Variants in DIPK1C observed in about 807,000 individuals in gnomAD.
DIPK1C encodes divergent protein kinase domain 1C, also known as familial non-conventional Alzheimer's dementia.
In DIPK1C, 33 loss-of-function variants were observed where a neutral mutation model predicts 28.0. The observed-to-expected ratio is 1.18, with a 90% CI of 0.89 to 1.58. The LOEUF (loss-of-function observed/expected upper bound fraction) is 1.58, where lower values mean the gene tolerates loss of function less well. Ranked by LOEUF, DIPK1C falls within the 40% of genes most tolerant of loss-of-function variation. The probability of loss-of-function intolerance (pLI) is 0.00; values close to 1 mark genes in which losing one functional copy is unlikely to be tolerated. For synonymous variants in DIPK1C, 255 were observed against 248.8 expected, an observed-to-expected ratio of 1.02 and a Z score of -0.23; for missense variants, 569 against 568.5, an observed-to-expected ratio of 1.00 and a Z score of -0.01.
upstream of DIPK1C, among the ~76,000 whole-genome samples, chr18:74,459,320 G>C (rs190548641): frequency 4.6e-5 from 7 of 152,262 alleles, no homozygotes; most frequent in Admixed American, 3.9e-4. Context: ...TTACTTTTGT[G>C]GGTTTTAAAA....
chr18:74,445,773 C>G (rs1401607148), intron 2 of DIPK1C, among the ~76,000 whole-genome samples: 1 of 152,214 alleles, frequency 6.6e-6, no homozygotes, highest in Admixed American at 6.5e-5. Flanking sequence ...CTCCGCCCTC[C>G]CCAAACCCAT....
At chr18:74,436,758 A>G (rs1986005692) in intron 3 of DIPK1C, 39 bp from the exon 4 acceptor site, 2 of 1,532,442 alleles carry the variant, frequency 1.3e-6, no homozygotes, top group African/African-American at 1.4e-5. Flanking sequence ...TTAGGGCAGC[A>G]AATCCTCCTA....
upstream of DIPK1C, chr18:74,458,066 GC>G (rs1343524129): frequency 6.6e-6 from 1 of 152,302 alleles, no homozygotes; most frequent in East Asian, 1.9e-4. Context: ...GGGAGAGCAG[GC>G]ATCCGTGTTC....
intron 1 of DIPK1C, among the ~76,000 whole-genome samples, chr18:74,452,572 A>T (rs113319714): frequency 2.7e-5 from 4 of 150,474 alleles, no homozygotes; most frequent in African/African-American, 9.8e-5. Context: ...ACATGGCAAG[A>T]CCCCTGTCTC....
chr18:74,443,545 A>G (rs1461577083), intron 2 of DIPK1C, among the ~76,000 whole-genome samples: 2 of 152,210 alleles, frequency 1.3e-5, no homozygotes, highest in East Asian at 3.8e-4. Context: ...AAGGCAATGA[A>G]GTTTCTTAGG....
intron 1 of DIPK1C, among the ~76,000 whole-genome samples, chr18:74,455,252 G>A (rs1320313602): frequency 6.6e-6 from 1 of 152,066 alleles, no homozygotes; most frequent in Non-Finnish European, 1.5e-5. Flanking sequence ...CCATTATTAA[G>A]CCTTTCCTCA....
chr18:74,450,911 G>A (rs1254844031), intron 1 of DIPK1C, among the ~76,000 whole-genome samples: 1 of 152,232 alleles, frequency 6.6e-6, no homozygotes, highest in African/African-American at 2.4e-5. Context: ...GGCTTGCTGT[G>A]TGGCTTGTTT....
At chr18:74,455,062 C>T (rs1986476916) in intron 1 of DIPK1C, among the ~76,000 whole-genome samples, 1 of 152,152 alleles carries the variant, frequency 6.6e-6, no homozygotes, top group African/African-American at 2.4e-5. Flanking sequence ...GCCAAACCTT[C>T]GATCTTCAGG....
intron 1 of DIPK1C, among the ~76,000 whole-genome samples, chr18:74,455,795 T>G (rs1479698350): frequency 2.0e-5 from 3 of 150,306 alleles, no homozygotes; most frequent in Non-Finnish European, 4.4e-5. Context: ...AAAACTTCAG[T>G]GTAACACTAG....
chr18:74,445,957 C>T (rs1001691857), intron 2 of DIPK1C, among the ~76,000 whole-genome samples: 2 of 152,222 alleles, frequency 1.3e-5, no homozygotes, highest in African/African-American at 4.8e-5. Flanking sequence ...CACTGAGGCT[C>T]CTGCTGCCGT....
chr18:74,440,160 G>A (rs995592767), intron 3 of DIPK1C, among the ~76,000 whole-genome samples: 22 of 152,068 alleles, frequency 1.4e-4, no homozygotes, highest in Non-Finnish European at 2.4e-4. Flanking sequence ...TAGCCAGGAT[G>A]GTCTCGATCT....
Position 74,457,159 on chromosome 18 carries a change from C to T in DIPK1C, c.101G>A (p.Gly34Asp). The T allele has an allele frequency of 7.2e-7, 1 of 1,389,486 alleles. No individual in the cohort carries two copies. The highest frequency in any genetic ancestry group is 1.5e-5 in the South Asian group (1 of 64,776). The allele number at this position is 1,389,486 out of a possible 1,614,324, so 86.1% of individuals were successfully genotyped here. Reference sequence around the variant, plus strand: ...CAGCAGCGCGGCCGCCAGCACCCAGCCCGCGGTCCACGCGGCGAAGGCGAG... The same window carrying T: ...CAGCAGCGCGGCCGCCAGCACCCAGTCCGCGGTCCACGCGGCGAAGGCGAG... The part of the protein sequence containing the change: ...TLLAFAAWTA[G>D]WVLAAALLLR... Residue 34 changes from glycine to aspartate, a missense_variant, in exon 1 of 4, where the codon GGC (glycine) becomes GAC (aspartate). Transcript: ENST00000343998.
chr18:74,455,888 C>T (rs978712822), intron 1 of DIPK1C, among the ~76,000 whole-genome samples: 4 of 152,248 alleles, frequency 2.6e-5, no homozygotes, highest in African/African-American at 9.6e-5. Flanking sequence ...CAATTAGGAG[C>T]ATAACTTGTC....
intron 1 of DIPK1C, among the ~76,000 whole-genome samples, chr18:74,455,922 T>C (rs919392915): frequency 2.6e-5 from 4 of 152,198 alleles, no homozygotes; most frequent in Admixed American, 2.6e-4. Flanking sequence ...CTGGCTCATT[T>C]TTTTAAAAAA....
At chr18:74,461,326 CTT>C (rs1400957036), upstream of DIPK1C, among the ~76,000 whole-genome samples, 2 of 137,908 alleles carry the variant, frequency 1.5e-5, no homozygotes, top group Non-Finnish European at 3.1e-5. Context: ...TTTTCTTTTT[CTT>C]TTCCTTCCTT....
In DIPK1C at chr18:74,457,092, G is replaced by C. The variant is rs1309943677; in HGVS notation, c.168C>G (p.Asp56Glu). ...CGGCCAGGATGCGCCGGCTCTTCTC[G>C]TCGGTGCAGCGCTCGGAGAGGACAC... Reference protein sequence around the residue: ...HPGVLSERCTDEKSRRILAAL... With the variant: ...HPGVLSERCTEEKSRRILAAL... Residue 56 changes from aspartate (D) to glutamate (E), a missense_variant, in exon 1 of 4, where the codon GAC (aspartate) becomes GAG (glutamate). Physicochemically the swap from Asp to Glu is conservative, Grantham distance 45. Coordinates refer to ENST00000343998, the MANE Select transcript of DIPK1C (RefSeq NM_001044369.3). 5.4e-6 allele frequency: 8 copies of C among 1,469,776 alleles called. No homozygotes were observed. The African/African-American group carries it at 7.4e-5, about 14-fold the overall frequency. The allele number at this position is 1,469,776 out of a possible 1,614,324, so 91.0% of individuals were successfully genotyped here.
intron 2 of DIPK1C, among the ~76,000 whole-genome samples, chr18:74,443,618 G>A (rs1299875354): frequency 6.6e-6 from 1 of 152,180 alleles, no homozygotes; most frequent in Non-Finnish European, 1.5e-5. Context: ...GAATAATGAA[G>A]ATAAACAATA....
In DIPK1C at chr18:74,448,006, G is replaced by GC. The variant is rs558265333; in HGVS notation, c.199-724dup. On this transcript the variant is annotated intron_variant, in intron 1 of 3. Transcript: ENST00000343998. ...CGGCGGTGAGCAAGGCTGTCCAGGA[G>GC]CCCCCGGATGGGGTGTTTCTCCTAA... Among the ~76,000 whole-genome samples, 253 of 152,158 alleles carry GC rather than the reference G, an allele frequency of 1.7e-3. 1 individual carries two copies. The highest frequency in any genetic ancestry group is 1.9e-3 in the Non-Finnish European group (126 of 67,986).
intron 3 of DIPK1C, among the ~76,000 whole-genome samples, chr18:74,439,809 AC>A (rs1986078363): frequency 6.6e-6 from 1 of 152,214 alleles, no homozygotes; most frequent in Non-Finnish European, 1.5e-5. Context: ...GATGAAGCGA[AC>A]CCTGTCTCTA....
Sources: gnomAD v4.1 joint callset for allele counts (sites outside exome capture counted in the v4.1 genomes callset) on GRCh38, gnomAD v4.1.1 for gene constraint, MANE v1.5 for transcripts, NCBI Gene and HGNC (gene_info 2026-07-23, HGNC 2026-07-21) for gene names.